The following RBFOX1 variants were observed in gnomAD, a reference collection of about 807,000 sequenced individuals.
RBFOX1 encodes the protein RNA binding protein fox-1 homolog 1.
A neutral mutation model predicts 57.7 loss-of-function variants in RBFOX1; 8 were observed. That is an observed-to-expected ratio of 0.14 (90% CI 0.08 to 0.25). The LOEUF (loss-of-function observed/expected upper bound fraction) is 0.25. Ranked by LOEUF, RBFOX1 falls within the 10% of genes least tolerant of loss-of-function variation. RBFOX1 has a pLI of 1.00. For synonymous variants in RBFOX1, 326 were observed against 222.4 expected, an observed-to-expected ratio of 1.47 and a Z score of -4.15; for missense variants, 611 against 548.5, an observed-to-expected ratio of 1.11 and a Z score of -1.14.
chr16:7,264,138 G>A (rs908577166), intron 4 of RBFOX1, among the ~76,000 whole-genome samples: 1 of 152,056 alleles, frequency 6.6e-6, no homozygotes, highest in African/African-American at 2.4e-5. Context: ...CAAAGGAAAG[G>A]AAGCTTATAA....
intron 2 of RBFOX1, among the ~76,000 whole-genome samples, chr16:6,619,470 C>T (rs946431292): frequency 6.6e-6 from 1 of 152,122 alleles, no homozygotes; most frequent in African/African-American, 2.4e-5. Flanking sequence ...ATCAGTTCTC[C>T]CATTCTTTTT....
chr16:6,208,750 G>A (rs973978400), intron 1 of RBFOX1, among the ~76,000 whole-genome samples: 1 of 152,128 alleles, frequency 6.6e-6, no homozygotes, highest in Non-Finnish European at 1.5e-5. Flanking sequence ...GGTTCTTCTT[G>A]GAAAATTGGA....
At chr16:7,571,002 T>C (rs1384516144) in intron 5 of RBFOX1, among the ~76,000 whole-genome samples, 1 of 152,200 alleles carries the variant, frequency 6.6e-6, no homozygotes, top group Non-Finnish European at 1.5e-5. Flanking sequence ...GAACACTGCA[T>C]GTTCTCACTC....
chr16:6,748,043 G>A (rs952074940), intron 3 of RBFOX1, among the ~76,000 whole-genome samples: 6 of 152,070 alleles, frequency 3.9e-5, no homozygotes, highest in East Asian at 3.9e-4. Flanking sequence ...TAGTGACACC[G>A]TTATTTATTG....
At chr16:7,629,710 G>T (rs920230207) in intron 10 of RBFOX1, among the ~76,000 whole-genome samples, 2 of 152,220 alleles carry the variant, frequency 1.3e-5, no homozygotes, top group Non-Finnish European at 2.9e-5. Flanking sequence ...ATAGATTGAG[G>T]AGGTATCTCA....
chr16:5,495,992 G>A (rs2042989304), intron 2 of RBFOX1, among the ~76,000 whole-genome samples: 1 of 152,172 alleles, frequency 6.6e-6, no homozygotes, highest in Non-Finnish European at 1.5e-5. Context: ...TGGGCATGGT[G>A]GCGGGTGCCT....
chr16:5,306,775 T>G (rs1391887883), intron 1 of RBFOX1, among the ~76,000 whole-genome samples: 2 of 152,214 alleles, frequency 1.3e-5, no homozygotes, highest in African/African-American at 2.4e-5. Context: ...AGAGTCCCAG[T>G]CTGCTCTGTT....
chr16:6,877,345 T>G (rs2062033539), intron 3 of RBFOX1, among the ~76,000 whole-genome samples: 1 of 152,178 alleles, frequency 6.6e-6, no homozygotes, highest in South Asian at 2.1e-4. Flanking sequence ...TACTTCCCTT[T>G]AGCAGAACAC....
chr16:6,223,208 A>G (rs974469801), intron 1 of RBFOX1, among the ~76,000 whole-genome samples: 2 of 151,212 alleles, frequency 1.3e-5, no homozygotes, highest in East Asian at 1.9e-4. Flanking sequence ...TCCTTTGGGT[A>G]TATACCCAGT....
intron 4 of RBFOX1, among the ~76,000 whole-genome samples, chr16:7,100,960 C>G (rs1167163552): frequency 1.3e-5 from 2 of 152,008 alleles, no homozygotes; most frequent in Non-Finnish European, 2.9e-5. Context: ...ACTTTATAGC[C>G]TCATCAAGGA....
intron 4 of RBFOX1, among the ~76,000 whole-genome samples, chr16:7,086,933 C>G (rs55643837): frequency 0.02 from 3,053 of 152,260 alleles, 44 homozygotes; most frequent in Non-Finnish European, 0.028. Flanking sequence ...GGCCCTCCTT[C>G]CCTTTTCCCG....
At chr16:5,371,903 C>G in intron 1 of RBFOX1, among the ~76,000 whole-genome samples, 1 of 152,192 alleles carries the variant, frequency 6.6e-6, no homozygotes, top group East Asian at 1.9e-4. Flanking sequence ...CGGGAGGTTT[C>G]CGACCAGTAA....
chr16:7,120,791 G>A (rs1473925737), intron 4 of RBFOX1, among the ~76,000 whole-genome samples: 7 of 110,020 alleles, frequency 6.4e-5, no homozygotes, highest in African/African-American at 1.6e-4. Context: ...AATCTGATAC[G>A]AAAACCAGGC....
chr16:5,862,476 G>C (rs544177038), intron 3 of RBFOX1, among the ~76,000 whole-genome samples: 56 of 152,230 alleles, frequency 3.7e-4, no homozygotes, highest in African/African-American at 1.0e-3. Flanking sequence ...GCAGGGATGG[G>C]GTGACCTGCA....
intron 1 of RBFOX1, among the ~76,000 whole-genome samples, chr16:5,423,689 C>T (rs957745782): frequency 2.6e-5 from 4 of 152,210 alleles, no homozygotes; most frequent in African/African-American, 4.8e-5. Context: ...ATCTTGCTGT[C>T]TGCTCTGTCC....
At chr16:7,324,800 T>C (rs2096590465) in intron 4 of RBFOX1, among the ~76,000 whole-genome samples, 1 of 152,242 alleles carries the variant, frequency 6.6e-6, no homozygotes, top group South Asian at 2.1e-4. Context: ...TGGTTAGTAC[T>C]GCTGGTTAGA....
At chr16:6,143,661 C>T (rs1287330562) in intron 1 of RBFOX1, among the ~76,000 whole-genome samples, 2 of 152,188 alleles carry the variant, frequency 1.3e-5, no homozygotes, top group East Asian at 3.9e-4. Context: ...AATTGTTAAG[C>T]AGTTTTAGGG....
At chr16:5,362,197 C>G (rs1047906510) in intron 1 of RBFOX1, among the ~76,000 whole-genome samples, 1 of 147,212 alleles carries the variant, frequency 6.8e-6, no homozygotes, top group South Asian at 2.1e-4. Flanking sequence ...GTCACTGAAA[C>G]TTTTTTTTTT....
At chr16:7,062,358 T>C (rs1197385076) in intron 4 of RBFOX1, among the ~76,000 whole-genome samples, 1 of 135,538 alleles carries the variant, frequency 7.4e-6, no homozygotes, top group Non-Finnish European at 1.6e-5. Context: ...AAAGGAAAAA[T>C]GGTAATGAGA....
Sources: allele counts gnomAD v4.1 joint callset (sites outside exome capture counted in the v4.1 genomes callset), GRCh38; gene constraint gnomAD v4.1.1; transcripts MANE v1.5; gene names NCBI Gene and HGNC (gene_info 2026-07-23, HGNC 2026-07-21).